AKAP19: variants seen among roughly 807,000 people sequenced by gnomAD.
AKAP19 encodes small A-kinase anchoring protein.
the AKAP19 span, among the ~76,000 whole-genome samples, chr2:189,924,578 G>T: frequency 2.6e-5 from 4 of 152,118 alleles, no homozygotes; most frequent in African/African-American, 7.2e-5. Flanking sequence ...AAGTTCAGTA[G>T]TTGCTTCCCT....
At chr2:190,158,332 G>A in the AKAP19 span, among the ~76,000 whole-genome samples, 1 of 152,124 alleles carries the variant, frequency 6.6e-6, no homozygotes, top group Non-Finnish European at 1.5e-5. Context: ...AAAGCAGGGT[G>A]TTTTTAGCAG....
chr2:189,913,404 A>T, the AKAP19 span, among the ~76,000 whole-genome samples: 1 of 152,080 alleles, frequency 6.6e-6, no homozygotes, highest in Non-Finnish European at 1.5e-5. Context: ...AATTATCCAG[A>T]TTTATTAAAT....
chr2:189,881,199 T>C, the AKAP19 span, among the ~76,000 whole-genome samples: 1 of 152,204 alleles, frequency 6.6e-6, no homozygotes, highest in Non-Finnish European at 1.5e-5. Flanking sequence ...AAGAGTTAAC[T>C]GTTAACCTTG....
chr2:189,900,235 G>T, the AKAP19 span, among the ~76,000 whole-genome samples: 3 of 151,690 alleles, frequency 2.0e-5, no homozygotes, highest in Admixed American at 2.0e-4. Context: ...AAAAATATAT[G>T]CCCATTTGTT....
At chr2:189,944,122 C>T in the AKAP19 span, among the ~76,000 whole-genome samples, 3 of 152,082 alleles carry the variant, frequency 2.0e-5, no homozygotes, top group Non-Finnish European at 2.9e-5. Context: ...TTGGGAGAGG[C>T]CGGGGCAGAG....
chr2:189,899,035 G>A, the AKAP19 span, among the ~76,000 whole-genome samples: 1 of 152,034 alleles, frequency 6.6e-6, no homozygotes, highest in African/African-American at 2.4e-5. Flanking sequence ...AATAAGCCTT[G>A]TTCTTTCCTG....
At chr2:190,149,174 G>A in the AKAP19 span, among the ~76,000 whole-genome samples, 3 of 151,996 alleles carry the variant, frequency 2.0e-5, no homozygotes, top group Admixed American at 2.0e-4. Flanking sequence ...TGTTGGTCAG[G>A]CTGGTCTTGA....
chr2:190,129,136 T>A, the AKAP19 span, among the ~76,000 whole-genome samples: 1 of 152,214 alleles, frequency 6.6e-6, no homozygotes, highest in Non-Finnish European at 1.5e-5. Flanking sequence ...AATCAGTACA[T>A]GTATATCTGC....
chr2:190,017,454 A>T, the AKAP19 span, among the ~76,000 whole-genome samples: 1 of 152,138 alleles, frequency 6.6e-6, no homozygotes, highest in Non-Finnish European at 1.5e-5. Context: ...CTTTGTGGTT[A>T]TCATGAGGCT....
the AKAP19 span, among the ~76,000 whole-genome samples, chr2:190,048,668 T>A: frequency 6.6e-6 from 1 of 152,318 alleles, no homozygotes; most frequent in Non-Finnish European, 1.5e-5. Context: ...CTTGGAAGTG[T>A]GTTTAAGGCT....
chr2:190,141,285 T>G, the AKAP19 span, among the ~76,000 whole-genome samples: 1 of 152,212 alleles, frequency 6.6e-6, no homozygotes, highest in South Asian at 2.1e-4. Flanking sequence ...CTGCCTGTTA[T>G]GCAGTTTCAA....
chr2:190,148,785 A>G, the AKAP19 span, among the ~76,000 whole-genome samples: 13 of 151,980 alleles, frequency 8.6e-5, no homozygotes, highest in African/African-American at 2.9e-4. Context: ...TTTCTAGTTT[A>G]TGTGTGTAAA....
At chr2:189,998,042 C>T in the AKAP19 span, among the ~76,000 whole-genome samples, 1 of 152,184 alleles carries the variant, frequency 6.6e-6, no homozygotes, top group Non-Finnish European at 1.5e-5. Flanking sequence ...TCTAGGAAAG[C>T]TTAAGTCCTC....
the AKAP19 span, among the ~76,000 whole-genome samples, chr2:189,909,825 GTTA>G: frequency 1.3e-5 from 2 of 152,098 alleles, no homozygotes; most frequent in Admixed American, 1.3e-4. Context: ...CATTTGAATA[GTTA>G]TTTTATTAAT....
At chr2:190,018,349 T>G in the AKAP19 span, among the ~76,000 whole-genome samples, 1 of 152,180 alleles carries the variant, frequency 6.6e-6, no homozygotes, top group East Asian at 1.9e-4. Flanking sequence ...TTTTTTCGTT[T>G]TGGTCTTCTG....
the AKAP19 span, among the ~76,000 whole-genome samples, chr2:189,881,407 A>G: frequency 6.6e-6 from 1 of 152,280 alleles, no homozygotes; most frequent in Middle Eastern, 3.4e-3. Context: ...GTAGATCCTG[A>G]GTTATTAGGA....
At chr2:190,057,537 A>G in the AKAP19 span, 1 of 1,613,556 alleles carries the variant, frequency 6.2e-7, no homozygotes, top group Non-Finnish European at 8.5e-7. Context: ...TTAGAGGGTA[A>G]CGACAGCATC....
chr2:189,956,251 G>T, the AKAP19 span, among the ~76,000 whole-genome samples: 1 of 133,306 alleles, frequency 7.5e-6, no homozygotes, highest in African/African-American at 2.8e-5. Context: ...CTCACTGCAA[G>T]CTCCGCCTCC....
At chr2:190,003,093 C>G in the AKAP19 span, among the ~76,000 whole-genome samples, 1 of 149,340 alleles carries the variant, frequency 6.7e-6, no homozygotes, top group Non-Finnish European at 1.5e-5. Flanking sequence ...TAAAAGATAA[C>G]AAATATTTTT....
Sources: gnomAD v4.1 joint callset for allele counts (sites outside exome capture counted in the v4.1 genomes callset) on GRCh38, gnomAD v4.1.1 for gene constraint, MANE v1.5 for transcripts, NCBI Gene and HGNC (gene_info 2026-07-23, HGNC 2026-07-21) for gene names.